Variants in FMN1 observed in about 807,000 individuals in gnomAD.
FMN1 encodes the protein formin-1.
Under a neutral mutation model 132.4 loss-of-function variants are expected in FMN1, and 110 were observed. That is an observed-to-expected ratio of 0.83 (90% confidence interval 0.71 to 0.97). The LOEUF is 0.97. FMN1 is among the 50% of genes least tolerant of loss of function. The probability of loss-of-function intolerance (pLI) is 0.00; values close to 1 mark genes in which losing one functional copy is unlikely to be tolerated. For synonymous variants in FMN1, 722 were observed against 651.7 expected (o/e 1.11, Z -1.64); for missense variants, 1,792 against 1,705.3 (o/e 1.05, Z -0.90).
chr15:33,039,291 G>A (rs2036320272), intron 6 of FMN1, among the ~76,000 whole-genome samples: 1 of 152,150 alleles, frequency 6.6e-6, no homozygotes, highest in Admixed American at 6.5e-5. Flanking sequence ...TACCAAGGTT[G>A]ACAGGTATGA....
At chr15:33,027,857 T>C (rs954809814) in intron 6 of FMN1, among the ~76,000 whole-genome samples, 3 of 152,178 alleles carry the variant, frequency 2.0e-5, no homozygotes, top group Non-Finnish European at 2.9e-5. Context: ...CACACACTGA[T>C]TCACAGCCAA....
intron 5 of FMN1, among the ~76,000 whole-genome samples, chr15:33,079,765 A>G (rs2038374534): frequency 6.6e-6 from 1 of 152,264 alleles, no homozygotes; most frequent in African/African-American, 2.4e-5. Context: ...ATCAATTTCC[A>G]GATTTGTACT....
chr15:32,950,030 T>TACAC (rs1223142866), intron 9 of FMN1, among the ~76,000 whole-genome samples: 1 of 4,320 alleles, frequency 2.3e-4, no homozygotes, highest in African/African-American at 5.0e-4. Context: ...TATATATATA[T>TACAC]ATACACATAT....
intron 4 of FMN1, among the ~76,000 whole-genome samples, chr15:33,119,067 A>G (rs1056767174): frequency 6.6e-6 from 1 of 152,244 alleles, no homozygotes; most frequent in African/African-American, 2.4e-5. Context: ...CTTATGCGAC[A>G]AAACAATGAC....
chr15:33,129,712 A>C (rs917310243), intron 4 of FMN1, among the ~76,000 whole-genome samples: 2 of 152,118 alleles, frequency 1.3e-5, no homozygotes, highest in African/African-American at 4.8e-5. Context: ...CTTTACTCCA[A>C]GTCTGAGACA....
intron 17 of FMN1, among the ~76,000 whole-genome samples, chr15:32,823,785 C>T (rs1175562243): frequency 6.6e-6 from 1 of 152,172 alleles, no homozygotes; most frequent in Non-Finnish European, 1.5e-5. Flanking sequence ...AGCTACTATT[C>T]CAACTCATGC....
intron 4 of FMN1, among the ~76,000 whole-genome samples, chr15:33,132,467 T>G (rs1003386101): frequency 6.6e-6 from 1 of 152,202 alleles, no homozygotes; most frequent in African/African-American, 2.4e-5. Context: ...TTCTTTCCAA[T>G]GTAGCCCACA....
At chr15:33,137,752 G>T (rs373867596) in intron 4 of FMN1, among the ~76,000 whole-genome samples, 1 of 152,170 alleles carries the variant, frequency 6.6e-6, no homozygotes, top group Non-Finnish European at 1.5e-5. Flanking sequence ...GGAGCATCAG[G>T]TACTGCGGTT....
In FMN1 at chr15:32,798,813, G is replaced by C. The variant is rs368124119; in HGVS notation, c.4121C>G (p.Ser1374Cys). 57 of 1,611,840 alleles carry C rather than the reference G, an allele frequency of 3.5e-5. No individual in the cohort carries two copies. The highest frequency in any genetic ancestry group is 4.6e-5 in the Non-Finnish European group (54 of 1,179,042). Residue 1374 changes from serine (S) to cysteine (C), a missense_variant, in exon 19 of 21, where the codon TCT (serine) becomes TGT (cysteine). Transcript: ENST00000616417. ...TIWKRESKNI[S>C]KERLKMAQES... ...TTTTTTTGAACCTTACCTTTCTTTA[G>C]ATATGTTTTTACTCTCCCGTTTCCA...
intron 7 of FMN1, among the ~76,000 whole-genome samples, chr15:32,991,449 T>C (rs17229020): frequency 0.035 from 5,271 of 152,224 alleles, 117 homozygotes; most frequent in Middle Eastern, 0.068. Flanking sequence ...TAAACAACAC[T>C]GTGGTGAAGG....
intron 19 of FMN1, among the ~76,000 whole-genome samples, chr15:32,782,768 A>G (rs1407596218): frequency 1.3e-5 from 2 of 152,236 alleles, no homozygotes; most frequent in Non-Finnish European, 2.9e-5. Flanking sequence ...CCATCAGTAG[A>G]TGACTGGACA....
At chr15:32,847,507 T>G (rs1290975936) in intron 17 of FMN1, among the ~76,000 whole-genome samples, 1 of 149,640 alleles carries the variant, frequency 6.7e-6, no homozygotes, top group Non-Finnish European at 1.5e-5. Context: ...CTGGGGTGGG[T>G]GGATCACTTG....
rs2061314231 is a variant in FMN1, at chr15:32,937,841, CAT to C, written c.3139-11582_3139-11581del. Reference sequence around the variant, plus strand: ...GTAACGAGAAAAAGAGTAGAAGAAACATATATTTTAAAAGATCTTCCTTAAGA... The same window carrying C: ...GTAACGAGAAAAAGAGTAGAAGAAACATATTTTAAAAGATCTTCCTTAAGA... On this transcript the variant is annotated intron_variant, in intron 9 of 20. Transcript: ENST00000616417. Among the ~76,000 whole-genome samples the C allele has an allele frequency of 2.6e-5, 4 of 152,166 alleles. No homozygotes were observed. The South Asian group carries it at 6.2e-4, about 24-fold the overall frequency.
At chr15:32,823,099 C>G (rs1417607022) in intron 17 of FMN1, among the ~76,000 whole-genome samples, 1 of 151,718 alleles carries the variant, frequency 6.6e-6, no homozygotes, top group Non-Finnish European at 1.5e-5. Context: ...CCCTTTCTCT[C>G]CTACCCACGA....
intron 6 of FMN1, among the ~76,000 whole-genome samples, chr15:33,024,385 T>A (rs2035572298): frequency 6.6e-6 from 1 of 151,970 alleles, no homozygotes. Context: ...TAGCCAGGAC[T>A]ACAGGCGTCC....
At chr15:32,922,635 T>G (rs913819093) in intron 10 of FMN1, among the ~76,000 whole-genome samples, 1 of 152,192 alleles carries the variant, frequency 6.6e-6, no homozygotes, top group Non-Finnish European at 1.5e-5. Context: ...GATCTATTTG[T>G]GGGAGACAAT....
intron 16 of FMN1, among the ~76,000 whole-genome samples, chr15:32,868,605 C>A (rs1281160897): frequency 6.6e-6 from 1 of 152,138 alleles, no homozygotes; most frequent in East Asian, 1.9e-4. Context: ...TATGCACATA[C>A]ACCGACACGT....
At chr15:33,110,339 A>G (rs929705166) in intron 4 of FMN1, among the ~76,000 whole-genome samples, 2 of 152,120 alleles carry the variant, frequency 1.3e-5, no homozygotes, top group Admixed American at 6.6e-5. Flanking sequence ...GGAAATGCTT[A>G]TAACATGTGG....
chr15:33,004,673 C>A (rs1449590229), intron 7 of FMN1, among the ~76,000 whole-genome samples: 1 of 152,156 alleles, frequency 6.6e-6, no homozygotes, highest in South Asian at 2.1e-4. Flanking sequence ...TTTGACCCAG[C>A]CATCCCATTA....
Sources: allele counts gnomAD v4.1 joint callset (sites outside exome capture counted in the v4.1 genomes callset), GRCh38; gene constraint gnomAD v4.1.1; transcripts MANE v1.5; gene names NCBI Gene and HGNC (gene_info 2026-07-23, HGNC 2026-07-21).